CRY2: variants seen among roughly 807,000 people sequenced by gnomAD.
The protein encoded by CRY2 is cryptochrome-2.
Under a neutral mutation model 69.5 loss-of-function variants are expected in CRY2, and 31 were observed. The observed-to-expected ratio is 0.45, with a 90% CI of 0.34 to 0.60. CRY2 has a LOEUF of 0.60. Ranked by LOEUF, CRY2 falls within the 20% of genes least tolerant of loss-of-function variation. The probability of loss-of-function intolerance (pLI) is 0.02; values close to 1 mark genes in which losing one functional copy is unlikely to be tolerated. For synonymous variants in CRY2, 303 were observed against 312.2 expected (o/e 0.97, Z 0.31); for missense variants, 606 against 797.8 (o/e 0.76, Z 2.90).
chr11:45,872,182 C>A lies in CRY2; in HGVS notation c.1733C>A (p.Ala578Asp), dbSNP rs1169979015. 6.2e-7 allele frequency: 1 copy of A among 1,614,114 alleles called. No homozygotes were observed. The highest frequency in any genetic ancestry group is 8.5e-7 in the Non-Finnish European group (1 of 1,180,006). Reference sequence around the variant, plus strand: ...CCTGGTGAAGAACTCAGCAAACGGGCCCGGGTGGCAGAGTTGCCAACCCCA... The same window carrying A: ...CCTGGTGAAGAACTCAGCAAACGGGACCGGGTGGCAGAGTTGCCAACCCCA... ...EPPGEELSKRARVAELPTPEL... is the reference protein window; with the variant it reads ...EPPGEELSKRDRVAELPTPEL... The change falls in exon 11 of 12, where the codon GCC becomes GAC. Residue 578 changes from alanine (A) to aspartate (D), a missense_variant. Transcript: ENST00000616080.
At position 45,874,534 on chromosome 11, in the gene CRY2, G is replaced by T. The variant is rs1316115702; in HGVS notation, c.*2+2301G>T. On this transcript the variant is annotated intron_variant, in intron 11 of 11. Transcript: ENST00000616080. ...TACACATGTCAAGAGCTCATGTTTT[G>T]CCAGACACCATTCCAGGCATTGAGG... Among the ~76,000 whole-genome samples the T allele has an allele frequency of 2.0e-5, 3 of 152,302 alleles. No homozygotes were observed. The East Asian group carries it at 5.8e-4, about 29-fold the overall frequency.
Position 45,870,902 on chromosome 11 carries a change from G to A in CRY2, c.1610G>A (p.Ser537Asn). Residue 537 changes from serine (S) to asparagine (N), a missense_variant, in exon 10 of 12, where the codon AGC becomes AAC. Coordinates refer to ENST00000616080, the MANE Select transcript of CRY2 (RefSeq NM_021117.5). ...EDLSHPVAEP[S>N]SSQAGSMSSA... The stretch of plus-strand genomic sequence containing the variant: ...CTCAGTCACCCTGTGGCAGAGCCCA[G>A]CTCGAGCCAGGCTGGCAGCATGAGC... 1 of 1,612,672 alleles carries A rather than the reference G, an allele frequency of 6.2e-7. No homozygotes were observed. Among genetic ancestry groups the A allele is most frequent in the Non-Finnish European group, 8.5e-7 (1 of 1,179,990 alleles).
rs1438113616 is a variant in CRY2 at position 45,847,475 on chromosome 11, A to C, written c.-16A>C. The stretch of plus-strand genomic sequence containing the variant: ...ACCGGGGCGGAGCGGGGGTGGCTGG[A>C]GCAGTCTGGACAGTCATGGCGGCGA... On this transcript the variant is annotated 5_prime_UTR_variant, in exon 1 of 12. Transcript: ENST00000616080. The C allele has an allele frequency of 2.5e-6, 4 of 1,599,778 alleles. No homozygotes were observed. Among genetic ancestry groups the C allele is most frequent in the Non-Finnish European group, 2.6e-6 (3 of 1,176,330 alleles).
At chr11:45,879,632 T>C (rs766167971) in intron 11 of CRY2, among the ~76,000 whole-genome samples, 3 of 152,246 alleles carry the variant, frequency 2.0e-5, no homozygotes, top group Non-Finnish European at 2.9e-5. Flanking sequence ...TGAATGCTGT[T>C]GTCCTGGGCA....
In CRY2 at chr11:45,882,821, G is replaced by GGTAGCAGGATGATTCCTT; in HGVS notation, c.*1911_*1928dup. 2 of 398,120 alleles carry GGTAGCAGGATGATTCCTT rather than the reference G, an allele frequency of 5.0e-6. No homozygotes were observed. Among genetic ancestry groups the GGTAGCAGGATGATTCCTT allele is most frequent in the Non-Finnish European group, 8.8e-6 (2 of 226,004 alleles). The allele number at this position is 398,120 out of a possible 1,614,324, so 24.7% of individuals were successfully genotyped here. ...TTAGTATTCACTAGCAGCGCCTTCG[G>GGTAGCAGGATGATTCCTT]GTAGCAGGATGATTCCTTTTCCTGC... is the stretch of plus-strand genomic sequence containing the variant. On this transcript the variant is annotated 3_prime_UTR_variant, in exon 12 of 12. Transcript: ENST00000616080.
intron 1 of CRY2, among the ~76,000 whole-genome samples, chr11:45,852,600 G>C (rs180683768): frequency 6.6e-6 from 1 of 152,306 alleles, no homozygotes; most frequent in East Asian, 1.9e-4. Flanking sequence ...TGGCTGTCCT[G>C]AGCCCTCCCT....
intron 5 of CRY2, among the ~76,000 whole-genome samples, chr11:45,866,876 A>G (rs1213699799): frequency 1.3e-5 from 2 of 151,648 alleles, no homozygotes; most frequent in African/African-American, 4.9e-5. Flanking sequence ...AATCCCTTGA[A>G]CCCGGGAGGT....
At chr11:45,860,748 C>A in intron 3 of CRY2, 100 bp from the exon 4 acceptor site, 1 of 1,362,246 alleles carries the variant, frequency 7.3e-7, no homozygotes, top group Non-Finnish European at 1.0e-6. Context: ...TGAGGAAAGC[C>A]ACCCTCAAAG....
intron 11 of CRY2, among the ~76,000 whole-genome samples, chr11:45,874,558 G>A (rs1206032307): frequency 6.6e-6 from 1 of 152,188 alleles, no homozygotes; most frequent in Non-Finnish European, 1.5e-5. Flanking sequence ...CAGGCATTGA[G>A]GGTATGGTTG....
chr11:45,862,327 G>T (rs2086294311), intron 5 of CRY2, among the ~76,000 whole-genome samples, 179 bp downstream of exon 5: 1 of 152,208 alleles, frequency 6.6e-6, no homozygotes, highest in Non-Finnish European at 1.5e-5. Context: ...CATTTAGAGA[G>T]TACTTACCAT....
chr11:45,868,194 A>G (rs1327133101), intron 6 of CRY2, among the ~76,000 whole-genome samples: 1 of 152,184 alleles, frequency 6.6e-6, no homozygotes. Context: ...GTTGCCCATC[A>G]GTGATGGAGG....
At chr11:45,867,245 T>C (rs1419147681) in intron 5 of CRY2, among the ~76,000 whole-genome samples, 4 of 152,240 alleles carry the variant, frequency 2.6e-5, no homozygotes, top group East Asian at 1.9e-4. Flanking sequence ...TTCTGTAACA[T>C]AGAAGCCTTG....
At chr11:45,847,428 A>G (rs769998844), upstream of CRY2, 9 of 1,360,388 alleles carry the variant, frequency 6.6e-6, no homozygotes, top group South Asian at 9.4e-5. Flanking sequence ...TGGGCGGGCT[A>G]TGGGCGGGGT....
chr11:45,847,367 TG>T, upstream of CRY2: 4 of 1,598,516 alleles, frequency 2.5e-6, no homozygotes, highest in Non-Finnish European at 3.4e-6. Flanking sequence ...AGAGGGGCTC[TG>T]GGGCCCTGTG....
Position 45,869,668 on chromosome 11 carries a change from T to G in CRY2, c.1045T>G (p.Trp349Gly). The G allele has an allele frequency of 6.2e-7, 1 of 1,614,220 alleles. No homozygotes were observed. The highest frequency in any genetic ancestry group is 8.5e-7 in the Non-Finnish European group (1 of 1,180,038). ...WDRNPEALAK[W>G]AEGKTGFPWI... ...CCGCAATCCTGAGGCCCTGGCCAAG[T>G]GGGCTGAGGGCAAGACAGGCTTCCC... Residue 349 changes from tryptophan (W) to glycine (G), a missense_variant, in exon 7 of 12, where the codon TGG becomes GGG. Physicochemically the swap from Trp to Gly is radical, Grantham distance 184. Around this residue, in one of 5 missense-constraint regions of CRY2, gnomAD observed 382 missense variants for 508.9 expected, o/e 0.75. Coordinates refer to ENST00000616080, the MANE Select transcript of CRY2 (RefSeq NM_021117.5).
chr11:45,872,227 C>A lies in CRY2; in HGVS notation c.1778C>A (p.Ala593Asp), dbSNP rs932766557. 11 of 1,613,680 alleles carry A rather than the reference C, an allele frequency of 6.8e-6. No homozygotes were observed. In the African/African-American group the frequency reaches 1.3e-4, roughly 20 times the overall value. ...ACCCCAGAGCTGCCGAGCAAGGATGCCTGAGAGTGAGTGACAGCAGCCTAG... is the reference window on the plus strand; with the variant it reads ...ACCCCAGAGCTGCCGAGCAAGGATGACTGAGAGTGAGTGACAGCAGCCTAG... ...LPTPELPSKD[A>D] Residue 593 changes from alanine (A) to aspartate (D), a missense_variant, in exon 11 of 12, where the codon GCC (alanine) becomes GAC (aspartate). Physicochemically the swap from Ala to Asp is moderately radical, Grantham distance 126. Coordinates refer to ENST00000616080, the MANE Select transcript of CRY2 (RefSeq NM_021117.5).
In CRY2 at chr11:45,872,128, A is replaced by G; in HGVS notation, c.1679A>G (p.Lys560Arg). 3 of 1,614,122 alleles carry G rather than the reference A, an allele frequency of 1.9e-6. No individual in the cohort carries two copies. Among genetic ancestry groups the G allele is most frequent in the Non-Finnish European group, 2.5e-6 (3 of 1,180,000 alleles). ...CTACCCAGTGGCCCAGCATCCCCCA[A>G]ACGCAAGCTGGAAGCAGCCGAGGAA... ...RPLPSGPASPKRKLEAAEEPP... is the reference protein window; with the variant it reads ...RPLPSGPASPRRKLEAAEEPP... The change falls in exon 11 of 12, where the codon AAA (lysine) becomes AGA (arginine). Residue 560 changes from lysine (K) to arginine (R), a missense_variant. Lys to Arg is a conservative substitution (Grantham distance 26). Coordinates refer to ENST00000616080, the MANE Select transcript of CRY2 (RefSeq NM_021117.5).
rs2086387162 is a variant in CRY2 at position 45,872,007 on chromosome 11, C to A, written c.1643-85C>A. The A allele has an allele frequency of 4.5e-6, 7 of 1,545,184 alleles. 1 individual carries two copies. The South Asian group carries it at 6.0e-5, about 13-fold the overall frequency. ...TTCCATTGATAAGTGTGCTCCCTGT[C>A]CCCTAAAGAGCTGCTGCTGCATAGT... On this transcript the variant is annotated intron_variant, in intron 10 of 11. Coordinates refer to ENST00000616080, the MANE Select transcript of CRY2 (RefSeq NM_021117.5).
At chr11:45,861,794 C>A in intron 4 of CRY2, 1 of 432,296 alleles carries the variant, frequency 2.3e-6, no homozygotes, top group Non-Finnish European at 4.2e-6. Context: ...ACAGTTGTTG[C>A]CAGCTAATCT....
Sources: gnomAD v4.1 joint callset for allele counts (sites outside exome capture counted in the v4.1 genomes callset) on GRCh38, gnomAD v4.1.1 for gene constraint, gnomAD v4.1.1 regional missense constraint, MANE v1.5 for transcripts, NCBI Gene and HGNC (gene_info 2026-07-23, HGNC 2026-07-21) for gene names.